The following RAD17 variants were observed in gnomAD, a reference collection of about 807,000 sequenced individuals.
RAD17 encodes cell cycle checkpoint protein RAD17.
In RAD17, 31 loss-of-function variants were observed where a neutral mutation model predicts 81.5. The ratio of observed to expected loss-of-function variants is 0.38; its 90% CI spans 0.29 to 0.51. The LOEUF is 0.51. RAD17 is among the 20% of genes least tolerant of loss of function. The pLI is 0.88. For synonymous variants in RAD17, 261 were observed against 266.2 expected, an observed-to-expected ratio of 0.98 and a Z score of 0.19; for missense variants, 681 against 781.2, an observed-to-expected ratio of 0.87 and a Z score of 1.53.
At chr5:69,369,312 G>A (rs967773752), upstream of RAD17, 2 of 594,372 alleles carry the variant, frequency 3.4e-6, no homozygotes, top group Non-Finnish European at 2.4e-6. Context: ...GCCCGCGAGG[G>A]TCGGCTCCCG....
intron 16 of RAD17, 49 bp from the exon 17 acceptor site, chr5:69,400,000 T>C: frequency 8.3e-6 from 11 of 1,322,262 alleles, no homozygotes; most frequent in Non-Finnish European, 1.1e-5. Flanking sequence ...GGAATACATA[T>C]TTTTAATTTC....
chr5:69,395,863 A>G (rs988911202), intron 15 of RAD17, among the ~76,000 whole-genome samples: 2 of 152,252 alleles, frequency 1.3e-5, no homozygotes, highest in African/African-American at 2.4e-5. Context: ...CTTAAGCAGC[A>G]TAAGGACATT....
At chr5:69,399,992 A>T (rs536195771) in intron 16 of RAD17, 57 bp from the exon 17 acceptor site, 1 of 1,177,988 alleles carries the variant, frequency 8.5e-7, no homozygotes, top group South Asian at 1.8e-5. Flanking sequence ...TTTGTCTAGG[A>T]ATACATATTT....
Position 69,382,033 on chromosome 5 carries a change from G to T in RAD17, c.484G>T (p.Asp162Tyr), listed in dbSNP as rs766790790. ...AGTTTTACCAGACTTCCAAAAAGAT[G>T]ATTTCAAGGGGATGTTTAATACTGG... ...NPVLPDFQKD[D>Y]FKGMFNTESS... Residue 162 changes from aspartate (D) to tyrosine (Y), a missense_variant, in exon 7 of 19, where the codon GAT (aspartate) becomes TAT (tyrosine). Coordinates refer to ENST00000354868, the MANE Select transcript of RAD17 (RefSeq NM_133338.3). The T allele has an allele frequency of 2.5e-6, 4 of 1,612,534 alleles. No individual in the cohort carries two copies. Among genetic ancestry groups the T allele is most frequent in the East Asian group, 2.2e-5 (1 of 44,866 alleles).
At chr5:69,385,060 CG>C (rs1764103404) in intron 8 of RAD17, 127 bp downstream of exon 8, 4 of 767,388 alleles carry the variant, frequency 5.2e-6, no homozygotes, top group Non-Finnish European at 3.7e-6. Context: ...CCCAGGTTCA[CG>C]CCATTCTCCT....
intron 17 of RAD17, among the ~76,000 whole-genome samples, chr5:69,409,149 T>A (rs17236576): frequency 1.5e-3 from 232 of 152,292 alleles, no homozygotes; most frequent in African/African-American, 4.7e-3. Flanking sequence ...GCAAAATCTC[T>A]AAGCCACTTA....
intron 16 of RAD17, among the ~76,000 whole-genome samples, chr5:69,398,744 T>G (rs1765058709): frequency 6.6e-6 from 1 of 151,040 alleles, no homozygotes. Flanking sequence ...AGGCAGAAGT[T>G]GCAGTGAGCC....
chr5:69,399,317 G>A (rs968085315), intron 16 of RAD17, among the ~76,000 whole-genome samples: 5 of 152,166 alleles, frequency 3.3e-5, no homozygotes, highest in South Asian at 2.1e-4. Flanking sequence ...CAATCACCTC[G>A]CCATGTAGCA....
intron 18 of RAD17, among the ~76,000 whole-genome samples, chr5:69,412,199 G>A (rs1229488975): frequency 6.6e-6 from 1 of 151,854 alleles, no homozygotes; most frequent in Non-Finnish European, 1.5e-5. Flanking sequence ...CTCGTGATCC[G>A]CCCACTTCGG....
intron 15 of RAD17, among the ~76,000 whole-genome samples, chr5:69,393,908 G>T (rs1470715847): frequency 3.8e-4 from 28 of 73,132 alleles, no homozygotes; most frequent in African/African-American, 1.4e-3. Context: ...TGTTATGGTG[G>T]TTTTTTTTTT....
chr5:69,398,698 C>T (rs1197130417), intron 16 of RAD17, among the ~76,000 whole-genome samples: 1 of 151,386 alleles, frequency 6.6e-6, no homozygotes, highest in Non-Finnish European at 1.5e-5. Context: ...CCCAGCTACT[C>T]AGGAGGCCGA....
chr5:69,396,228 G>A (rs1243931211), intron 15 of RAD17, among the ~76,000 whole-genome samples, 169 bp from the exon 16 acceptor site: 1 of 152,146 alleles, frequency 6.6e-6, no homozygotes, highest in Non-Finnish European at 1.5e-5. Context: ...TGTCCCAGTG[G>A]AATTTGCTTT....
In RAD17 at chr5:69,381,995, A is replaced by G; in HGVS notation, c.446A>G (p.Glu149Gly). ...LSKEHGIQVQ[E>G]WINPVLPDFQ... ...AAGGAGCATGGTATTCAAGTACAAG[A>G]GTGGATTAATCCAGTTTTACCAGAC... is the stretch of plus-strand genomic sequence containing the variant. Residue 149 changes from glutamate to glycine, a missense_variant, in exon 7 of 19, where the codon GAG becomes GGG. Physicochemically the swap from Glu to Gly is moderately conservative, Grantham distance 98. Transcript: ENST00000354868. 1.2e-6 allele frequency: 2 copies of G among 1,610,186 alleles called. No individual in the cohort carries two copies. Among genetic ancestry groups the G allele is most frequent in the South Asian group, 1.1e-5 (1 of 90,920 alleles).
chr5:69,369,423 G>A (rs774684599), upstream of RAD17: 6 of 1,603,744 alleles, frequency 3.7e-6, no homozygotes, highest in African/African-American at 1.4e-5. Context: ...TGCGCCCCCA[G>A]CCTGCCCCAG....
chr5:69,397,600 C>A (rs1355103208), intron 16 of RAD17, among the ~76,000 whole-genome samples: 3 of 151,684 alleles, frequency 2.0e-5, no homozygotes, highest in African/African-American at 7.3e-5. Flanking sequence ...CCCATATCTA[C>A]AAGAAAAAGA....
chr5:69,375,774 G>A (rs909937066), intron 6 of RAD17, among the ~76,000 whole-genome samples: 4 of 150,970 alleles, frequency 2.6e-5, no homozygotes, highest in Admixed American at 6.6e-5. Flanking sequence ...TTTGTAGCTG[G>A]TTTGTTTCAA....
At chr5:69,384,644 A>G (rs1323370694) in intron 7 of RAD17, among the ~76,000 whole-genome samples, 153 bp from the exon 8 acceptor site, 2 of 152,170 alleles carry the variant, frequency 1.3e-5, no homozygotes, top group African/African-American at 4.8e-5. Context: ...TTTGAAAGGA[A>G]TATCCTATTT....
Position 69,372,090 on chromosome 5 carries a change from G to A in RAD17, c.-119G>A. 7.0e-7 allele frequency: 1 copy of A among 1,420,186 alleles called. No individual in the cohort carries two copies. The highest frequency in any genetic ancestry group is 9.5e-7 in the Non-Finnish European group (1 of 1,055,308). The allele number at this position is 1,420,186 out of a possible 1,614,324, so 88.0% of individuals were successfully genotyped here. On this transcript the variant is annotated 5_prime_UTR_variant, in exon 4 of 19. Transcript: ENST00000354868. Reference sequence around the variant, plus strand: ...AAACTATAAAATGTATAAATAATTTGCAAATCAGAATTGCTGTCGAAAGTT... The same window carrying A: ...AAACTATAAAATGTATAAATAATTTACAAATCAGAATTGCTGTCGAAAGTT...
chr5:69,377,901 C>G (rs1046487436), intron 6 of RAD17, among the ~76,000 whole-genome samples: 2 of 151,668 alleles, frequency 1.3e-5, no homozygotes, highest in African/African-American at 2.4e-5. Context: ...AAGCAGTCCT[C>G]CCACCTCAGC....
Sources: gnomAD v4.1 joint callset for allele counts (sites outside exome capture counted in the v4.1 genomes callset) on GRCh38, gnomAD v4.1.1 for gene constraint, MANE v1.5 for transcripts, NCBI Gene and HGNC (gene_info 2026-07-23, HGNC 2026-07-21) for gene names.